POFUT3: variants seen among roughly 807,000 people sequenced by gnomAD.
The protein encoded by POFUT3 is GDP-fucose protein O-fucosyltransferase 3.
At chr8:33,420,842 A>C in the POFUT3 span, among the ~76,000 whole-genome samples, 1 of 152,064 alleles carries the variant, frequency 6.6e-6, no homozygotes, top group Non-Finnish European at 1.5e-5. Flanking sequence ...GTTTGAGATG[A>C]TAGATTTGCT....
chr8:33,421,970 A>G, the POFUT3 span, among the ~76,000 whole-genome samples: 2 of 148,436 alleles, frequency 1.3e-5, no homozygotes, highest in Non-Finnish European at 3.0e-5. Flanking sequence ...TTTTAGGCCA[A>G]CTTCCCTAGA....
the POFUT3 span, among the ~76,000 whole-genome samples, chr8:33,444,011 T>C: frequency 6.6e-6 from 1 of 150,800 alleles, no homozygotes; most frequent in African/African-American, 2.5e-5. Context: ...TACTGAGGCC[T>C]GCCATATGCC....
At chr8:33,439,317 C>G in the POFUT3 span, among the ~76,000 whole-genome samples, 1 of 151,786 alleles carries the variant, frequency 6.6e-6, no homozygotes, top group Non-Finnish European at 1.5e-5. Flanking sequence ...GCAGGAGAAT[C>G]GCTTGAATCT....
At chr8:33,334,762 T>C in the POFUT3 span, among the ~76,000 whole-genome samples, 2 of 152,226 alleles carry the variant, frequency 1.3e-5, no homozygotes, top group Admixed American at 6.5e-5. Flanking sequence ...TTCGCTGCTT[T>C]CTGTCAGATA....
chr8:33,442,850 A>T, the POFUT3 span, among the ~76,000 whole-genome samples: 1 of 152,208 alleles, frequency 6.6e-6, no homozygotes, highest in East Asian at 1.9e-4. Context: ...TCCAGCTAAA[A>T]ATGTAAGTTC....
At chr8:33,452,741 G>A in the POFUT3 span, 1 of 155,590 alleles carries the variant, frequency 6.4e-6, no homozygotes, top group Non-Finnish European at 1.4e-5. Context: ...TCCCTCTAGA[G>A]TATCAGGGAG....
the POFUT3 span, among the ~76,000 whole-genome samples, chr8:33,419,249 A>G: frequency 6.6e-6 from 1 of 152,216 alleles, no homozygotes; most frequent in South Asian, 2.1e-4. Flanking sequence ...AACACATAGA[A>G]TAGTAGAGGT....
the POFUT3 span, among the ~76,000 whole-genome samples, chr8:33,412,018 C>G: frequency 1.5e-5 from 2 of 134,294 alleles, no homozygotes; most frequent in East Asian, 4.5e-4. Flanking sequence ...AGGTTGCACA[C>G]TGAGAGTTTC....
chr8:33,396,995 A>G, the POFUT3 span, among the ~76,000 whole-genome samples: 1 of 152,262 alleles, frequency 6.6e-6, no homozygotes, highest in Admixed American at 6.5e-5. Context: ...TTGGCAAAAT[A>G]TGACTATTGT....
chr8:33,340,754 A>G, the POFUT3 span, among the ~76,000 whole-genome samples: 1 of 152,198 alleles, frequency 6.6e-6, no homozygotes, highest in Non-Finnish European at 1.5e-5. Flanking sequence ...AATCCTAAGT[A>G]AGTATGCACC....
the POFUT3 span, among the ~76,000 whole-genome samples, chr8:33,407,613 G>GT: frequency 6.6e-6 from 1 of 152,160 alleles, no homozygotes; most frequent in Non-Finnish European, 1.5e-5. Flanking sequence ...TTGAAATCAG[G>GT]TAAGTAATGC....
the POFUT3 span, among the ~76,000 whole-genome samples, chr8:33,321,787 C>G: frequency 6.6e-6 from 1 of 152,086 alleles, no homozygotes; most frequent in East Asian, 1.9e-4. Flanking sequence ...GAAAATAACT[C>G]TTCTACTCTT....
chr8:33,331,965 G>A, the POFUT3 span, among the ~76,000 whole-genome samples: 7 of 148,754 alleles, frequency 4.7e-5, no homozygotes, highest in Non-Finnish European at 5.9e-5. Flanking sequence ...CGGAGCCACC[G>A]CGCCCGGCCT....
chr8:33,416,829 A>AC, the POFUT3 span, among the ~76,000 whole-genome samples: 1 of 141,684 alleles, frequency 7.1e-6, no homozygotes, highest in Admixed American at 6.9e-5. Context: ...CTGGGCGACG[A>AC]CAAAAAAAAA....
At chr8:33,384,981 TACTCCATC>T in the POFUT3 span, among the ~76,000 whole-genome samples, 3 of 152,112 alleles carry the variant, frequency 2.0e-5, no homozygotes, top group African/African-American at 7.2e-5. Flanking sequence ...TTTTACCAGG[TACTCCATC>T]ACTCAGAAGA....
the POFUT3 span, among the ~76,000 whole-genome samples, chr8:33,327,182 G>T: frequency 6.6e-6 from 1 of 152,216 alleles, no homozygotes; most frequent in African/African-American, 2.4e-5. Context: ...CTGGGCAAAT[G>T]ATGCTGGCCT....
the POFUT3 span, among the ~76,000 whole-genome samples, chr8:33,470,057 T>C: frequency 6.6e-6 from 1 of 151,444 alleles, no homozygotes; most frequent in Non-Finnish European, 1.5e-5. Context: ...CCTCCCAAAG[T>C]GCTAGGATTA....
the POFUT3 span, among the ~76,000 whole-genome samples, chr8:33,406,605 A>AT: frequency 7.6e-4 from 114 of 149,232 alleles, 1 homozygote; most frequent in African/African-American, 2.4e-3. Context: ...CTAATTTTTA[A>AT]TTTTTTTTTT....
chr8:33,378,474 G>A, the POFUT3 span, among the ~76,000 whole-genome samples: 1 of 152,126 alleles, frequency 6.6e-6, no homozygotes, highest in Non-Finnish European at 1.5e-5. Flanking sequence ...ATACAAGGCA[G>A]AGCTTGGCTG....
Sources: gnomAD v4.1 joint callset for allele counts (sites outside exome capture counted in the v4.1 genomes callset) on GRCh38, gnomAD v4.1.1 for gene constraint, MANE v1.5 for transcripts, NCBI Gene and HGNC (gene_info 2026-07-23, HGNC 2026-07-21) for gene names.